ACBD4: variants seen among roughly 807,000 people sequenced by gnomAD.
The protein encoded by ACBD4 is acyl-CoA-binding domain-containing protein 4.
In ACBD4, 41 loss-of-function variants were observed where a neutral mutation model predicts 46.0. That is an observed-to-expected ratio of 0.89 (90% CI 0.69 to 1.16). The LOEUF is 1.16. ACBD4 is among the 50% of genes most tolerant of loss of function. The pLI is 0.00. For synonymous variants in ACBD4, 162 were observed against 155.9 expected (o/e 1.04, Z -0.29); for missense variants, 393 against 399.5 (o/e 0.98, Z 0.14).
intron 9 of ACBD4, 97 bp downstream of exon 9, chr17:45,139,257 C>A: frequency 8.2e-7 from 1 of 1,215,254 alleles, no homozygotes. Flanking sequence ...CTCACGCCTC[C>A]ACCTGCCCAC....
chr17:45,132,653 C>G (rs1346264957), upstream of ACBD4: 1 of 249,076 alleles, frequency 4.0e-6, no homozygotes, highest in South Asian at 1.7e-4. The surrounding 1 kb of genome is among the most constrained non-coding windows in gnomAD (Gnocchi z 4.6). Context: ...CCTCAGCGCT[C>G]GCCCCTGCTC....
chr17:45,131,983 C>A (rs1032653623), upstream of ACBD4, among the ~76,000 whole-genome samples: 1 of 152,224 alleles, frequency 6.6e-6, no homozygotes, highest in Non-Finnish European at 1.5e-5. Context: ...CCCACCAGCG[C>A]CCCGTGCCCG....
At chr17:45,141,784 C>A (rs1217116712) in intron 9 of ACBD4, among the ~76,000 whole-genome samples, 1 of 152,200 alleles carries the variant, frequency 6.6e-6, no homozygotes, top group Non-Finnish European at 1.5e-5. Context: ...GCATGGACCA[C>A]TGGCATGGTT....
Position 45,136,553 on chromosome 17 carries a change from C to G in ACBD4, c.142C>G (p.Gln48Glu). The change falls in exon 3 of 10, where the codon CAG (glutamine) becomes GAG (glutamate). Residue 48 changes from glutamine (Q) to glutamate (E), a missense_variant. Physicochemically the swap from Gln to Glu is conservative, Grantham distance 29. This residue lies in a region of ACBD4 where 24 missense variants were observed against 47.4 expected (regional missense o/e 0.51). Transcript: ENST00000321854. Reference sequence around the variant, plus strand: ...GCTGCGATTCTACAGTTACTACAAGCAGGCCACCATGGGGCCCTGCCTGGT... The same window carrying G: ...GCTGCGATTCTACAGTTACTACAAGGAGGCCACCATGGGGCCCTGCCTGGT... ...EMLRFYSYYK[Q>E]ATMGPCLVPR... 2 of 1,613,894 alleles carry G rather than the reference C, an allele frequency of 1.2e-6. No homozygotes were observed. The highest frequency in any genetic ancestry group is 2.2e-5 in the East Asian group (1 of 44,880).
chr17:45,139,204 G>A (rs561879718), intron 9 of ACBD4, 44 bp downstream of exon 9: 1 of 1,606,858 alleles, frequency 6.2e-7, no homozygotes, highest in South Asian at 1.1e-5. Context: ...GCAGAATCCG[G>A]TCTTTATTCT....
intron 1 of ACBD4, 24 bp downstream of exon 1, chr17:45,135,977 CACA>C (rs2054796224): frequency 1.5e-6 from 1 of 654,232 alleles, no homozygotes; most frequent in African/African-American, 1.8e-5. Flanking sequence ...GCTCCTCAAC[CACA>C]ACTTCTGACC....
In ACBD4 at chr17:45,136,552, GC is replaced by G. The variant is rs1567897074; in HGVS notation, c.142del (p.Gln48ArgfsTer32). Reference protein sequence around the residue: ...EMLRFYSYYKQATMGPCLVPR... With the variant: ...EMLRFYSYYKXATMGPCLVPR... ...TGCTGCGATTCTACAGTTACTACAA[GC>G]AGGCCACCATGGGGCCCTGCCTGGT... On this transcript the variant is annotated frameshift_variant, in exon 3 of 10. Transcript: ENST00000321854. LOFTEE classifies it high-confidence loss of function. 1 of 1,613,888 alleles carries G rather than the reference GC, an allele frequency of 6.2e-7. No individual in the cohort carries two copies.
intron 9 of ACBD4, among the ~76,000 whole-genome samples, chr17:45,139,452 C>T (rs550838420): frequency 6.6e-6 from 1 of 152,292 alleles, no homozygotes; most frequent in South Asian, 2.1e-4. Flanking sequence ...CATGATGTGT[C>T]TGCTCTGGGC....
At position 45,136,161 on chromosome 17, in the gene ACBD4, A is replaced by C. The variant is rs201940756; in HGVS notation, c.17A>C (p.Glu6Ala). MGTEK[E>A]SPEPDCQKQF... is the part of the protein sequence containing the mutation. ...CGCAGCAGCATGGGCACCGAGAAAG[A>C]AAGCCCAGAGCCCGACTGCCAGAAA... The change falls in exon 2 of 10, where the codon GAA (glutamate) becomes GCA (alanine). Residue 6 changes from glutamate (E) to alanine (A), a missense_variant. By Grantham distance (107) the Glu-to-Ala change is moderately radical. Transcript: ENST00000321854. The C allele has an allele frequency of 2.8e-4, 452 of 1,613,574 alleles. No individual in the cohort carries two copies. The African/African-American group carries it at 5.2e-3, about 19-fold the overall frequency.
upstream of ACBD4, chr17:45,132,420 G>C (rs910073580): frequency 5.6e-5 from 68 of 1,209,024 alleles, no homozygotes; most frequent in East Asian, 2.3e-3. This position sits in a 1 kb window ranked among gnomAD's most constrained non-coding sequence, Gnocchi z 4.6. Context: ...TGGCTTGGCG[G>C]GGGGCCGGGG....
intron 4 of ACBD4, 27 bp from the exon 5 acceptor site, chr17:45,136,992 G>A (rs201767598): frequency 1.7e-5 from 28 of 1,613,826 alleles, no homozygotes; most frequent in South Asian, 8.8e-5. Flanking sequence ...AGGCCACTCC[G>A]TCCCCAACAG....
At position 45,137,390 on chromosome 17, in the gene ACBD4, T is replaced by G; in HGVS notation, c.438T>G (p.Asn146Lys). 6.2e-7 allele frequency: 1 copy of G among 1,613,914 alleles called. No individual in the cohort carries two copies. The highest frequency in any genetic ancestry group is 8.5e-7 in the Non-Finnish European group (1 of 1,179,928). The change falls in exon 6 of 10, where the codon AAT (asparagine) becomes AAG (lysine). Residue 146 changes from asparagine (N) to lysine (K), a missense_variant. Asn to Lys is a moderately conservative substitution (Grantham distance 94). Transcript: ENST00000321854. ...RVTGWKEQVV[N>K]GDVGAVSEPP... is the part of the protein sequence containing the mutation. Reference sequence around the variant, plus strand: ...CAGGTTGGAAAGAGCAGGTTGTGAATGGAGATGTTGGGGCTGTTTCAGAGC... The same window carrying G: ...CAGGTTGGAAAGAGCAGGTTGTGAAGGGAGATGTTGGGGCTGTTTCAGAGC...
intron 6 of ACBD4, 72 bp downstream of exon 6, chr17:45,137,526 C>T: frequency 6.5e-7 from 1 of 1,533,428 alleles, no homozygotes; most frequent in Non-Finnish European, 9.0e-7. Context: ...GGCTGGATGC[C>T]ACGCTGTGCC....
intron 8 of ACBD4, among the ~76,000 whole-genome samples, chr17:45,138,787 T>TA (rs78362547): frequency 0.027 from 2,913 of 108,388 alleles, 48 homozygotes; most frequent in East Asian, 0.059. Flanking sequence ...CAAGACTGTC[T>TA]AAAAAAAAAA....
upstream of ACBD4, chr17:45,132,216 G>C: frequency 2.4e-6 from 3 of 1,251,852 alleles, no homozygotes; most frequent in Non-Finnish European, 3.0e-6. The surrounding 1 kb of genome is among the most constrained non-coding windows in gnomAD (Gnocchi z 4.6). Flanking sequence ...AACGGTCCGC[G>C]CCCACCCCAC....
chr17:45,142,389 CAAAAAAAAAAAAAAAAA>C (rs1161132274), intron 9 of ACBD4, among the ~76,000 whole-genome samples: 9 of 28,584 alleles, frequency 3.1e-4, no homozygotes, highest in East Asian at 2.2e-3. Flanking sequence ...CAAGACTCCT[CAAAAAAAAAAAAAAAAA>C]AAAAAAAAAA....
chr17:45,141,253 G>A (rs2055253559), intron 9 of ACBD4, among the ~76,000 whole-genome samples: 1 of 152,094 alleles, frequency 6.6e-6, no homozygotes, highest in Admixed American at 6.6e-5. Flanking sequence ...CCTTCTCCTT[G>A]CTATTGACTT....
chr17:45,138,635 A>G (rs1298068473), intron 8 of ACBD4: 1 of 229,204 alleles, frequency 4.4e-6, no homozygotes, highest in Non-Finnish European at 8.8e-6. Context: ...TATTAAAAAT[A>G]CAAATATTAG....
intron 6 of ACBD4, 36 bp downstream of exon 6, chr17:45,137,490 G>C: frequency 6.2e-7 from 1 of 1,608,692 alleles, no homozygotes; most frequent in Non-Finnish European, 8.5e-7. Flanking sequence ...ACCAAACTCA[G>C]GCTGGGGGAG....
Sources: gnomAD v4.1 joint callset for allele counts (sites outside exome capture counted in the v4.1 genomes callset) on GRCh38, gnomAD v4.1.1 for gene constraint, gnomAD v4.1.1 regional missense constraint, Gnocchi (gnomAD v3.1) non-coding constraint, MANE v1.5 for transcripts, NCBI Gene and HGNC (gene_info 2026-07-23, HGNC 2026-07-21) for gene names.